The following RASA2 variants were observed in gnomAD, a reference collection of about 807,000 sequenced individuals.
The protein encoded by RASA2 is RAS p21 protein activator 2.
Under a neutral mutation model 118.2 loss-of-function variants are expected in RASA2, and 155 were observed. The observed-to-expected ratio is 1.31, with a 90% CI of 1.15 to 1.50. The LOEUF (loss-of-function observed/expected upper bound fraction) is 1.50. RASA2 is among the 40% of genes most tolerant of loss of function. The probability of loss-of-function intolerance (pLI) is 0.00; values close to 1 mark genes in which losing one functional copy is unlikely to be tolerated. For synonymous variants in RASA2, 353 were observed against 349.1 expected (o/e 1.01, Z -0.12); for missense variants, 1,016 against 1,009.6 (o/e 1.01, Z -0.09).
At chr3:141,540,501 C>T in intron 4 of RASA2, 32 bp from the exon 5 acceptor site, 1 of 1,526,258 alleles carries the variant, frequency 6.6e-7, no homozygotes. Flanking sequence ...GTAAAATAGA[C>T]TACTCAGTTT....
intron 7 of RASA2, among the ~76,000 whole-genome samples, chr3:141,556,473 C>CT (rs34990236): frequency 2.3e-4 from 34 of 149,758 alleles, no homozygotes; most frequent in Middle Eastern, 6.9e-3. Context: ...TTTATTATTA[C>CT]TTTTTTTTTT....
intron 1 of RASA2, among the ~76,000 whole-genome samples, chr3:141,504,572 C>T (rs2081835550): frequency 6.6e-6 from 1 of 152,180 alleles, no homozygotes; most frequent in African/African-American, 2.4e-5. Flanking sequence ...TCTCTCCAGA[C>T]CCGTGTCTGC....
chr3:141,607,597 A>G, intron 19 of RASA2, 81 bp from the exon 20 acceptor site: 1 of 1,400,476 alleles, frequency 7.1e-7, no homozygotes, highest in Non-Finnish European at 9.4e-7. Context: ...GGATGAGCTT[A>G]AACCCTACAG....
At chr3:141,546,891 G>A (rs1192059923) in intron 5 of RASA2, among the ~76,000 whole-genome samples, 1 of 152,022 alleles carries the variant, frequency 6.6e-6, no homozygotes, top group Non-Finnish European at 1.5e-5. Context: ...GAGAGATACG[G>A]GTTTAGTTTC....
At chr3:141,595,880 C>T (rs564170250) in intron 19 of RASA2, among the ~76,000 whole-genome samples, 4 of 152,176 alleles carry the variant, frequency 2.6e-5, no homozygotes, top group Admixed American at 6.5e-5. Flanking sequence ...CCTCCTGCCT[C>T]GGCCTAGAAT....
intron 9 of RASA2, among the ~76,000 whole-genome samples, chr3:141,570,039 G>C (rs960161326): frequency 1.4e-5 from 2 of 147,556 alleles, no homozygotes; most frequent in African/African-American, 5.0e-5. Context: ...GTACATGAGC[G>C]TTCAATATTC....
chr3:141,555,816 T>G, intron 6 of RASA2, 24 bp from the exon 7 acceptor site: 1 of 1,597,422 alleles, frequency 6.3e-7, no homozygotes. Context: ...TTCTACAAGG[T>G]AAAACTCTAC....
intron 16 of RASA2, among the ~76,000 whole-genome samples, 160 bp from the exon 17 acceptor site, chr3:141,580,940 C>T (rs111481641): frequency 0.013 from 2,032 of 152,134 alleles, 50 homozygotes; most frequent in African/African-American, 0.042. Context: ...GCCATAATCA[C>T]ATGACAGCTT....
intron 19 of RASA2, among the ~76,000 whole-genome samples, chr3:141,595,365 G>C (rs535663451): frequency 1.3e-5 from 2 of 152,090 alleles, no homozygotes; most frequent in Non-Finnish European, 2.9e-5. Context: ...ATATATCCAC[G>C]TTAAATATAT....
At chr3:141,516,198 AATAAAATATATAT>A in intron 2 of RASA2, 117 bp from the exon 3 acceptor site, 1 of 583,714 alleles carries the variant, frequency 1.7e-6, no homozygotes, top group Non-Finnish European at 2.3e-6. Flanking sequence ...CTTAAAGTAT[AATAAAATATATAT>A]ATATTAAAAA....
At chr3:141,543,853 TTTTC>T (rs200899924) in intron 5 of RASA2, among the ~76,000 whole-genome samples, 2,178 of 149,298 alleles carry the variant, frequency 0.015, 64 homozygotes, top group African/African-American at 0.053. Context: ...TTCTTTTCTT[TTTTC>T]TTTCTTTCTT....
intron 9 of RASA2, among the ~76,000 whole-genome samples, chr3:141,562,988 A>G (rs2082760360): frequency 6.6e-6 from 1 of 152,196 alleles, no homozygotes; most frequent in East Asian, 1.9e-4. Context: ...AGTTATTAAT[A>G]GAACTGCTTC....
chr3:141,493,974 A>G (rs1205783617), intron 1 of RASA2, among the ~76,000 whole-genome samples: 1 of 152,172 alleles, frequency 6.6e-6, no homozygotes, highest in Admixed American at 6.5e-5. Flanking sequence ...TAGCTTGAAG[A>G]TTTTTTCACA....
At chr3:141,498,558 G>A (rs1374744494) in intron 1 of RASA2, among the ~76,000 whole-genome samples, 1 of 152,106 alleles carries the variant, frequency 6.6e-6, no homozygotes, top group African/African-American at 2.4e-5. Flanking sequence ...TCTTGGATAT[G>A]TGTACACACA....
At chr3:141,586,530 A>G (rs2083204896) in intron 18 of RASA2, 116 bp from the exon 19 acceptor site, 6 of 629,486 alleles carry the variant, frequency 9.5e-6, no homozygotes, top group Admixed American at 3.5e-5. Context: ...ACATTTTTAT[A>G]TATTTAATAT....
At position 141,559,984 on chromosome 3, in the gene RASA2, T is replaced by G. The variant is rs773776593; in HGVS notation, c.852T>G (p.Ser284=). The stretch of plus-strand genomic sequence containing the variant: ...TGAACGTATTAAGAACTGATTCCTC[T>G]CATCAAGCCTGGTAAGGGCCCAGCA... ...VPVNVLRTDS[S]HQAWYLLQPR... The change falls in exon 9 of 24, where the codon TCT becomes TCG. Residue 284 remains serine, a synonymous_variant. Transcript: ENST00000286364. The G allele has an allele frequency of 2.2e-5, 36 of 1,612,450 alleles. No individual in the cohort carries two copies. The South Asian group carries it at 4.0e-4, about 18-fold the overall frequency.
chr3:141,542,544 A>G (rs575054505), intron 5 of RASA2, among the ~76,000 whole-genome samples: 98 of 152,168 alleles, frequency 6.4e-4, no homozygotes, highest in Non-Finnish European at 1.1e-3. Context: ...AGATTTACAG[A>G]AAGTTGTAAG....
intron 3 of RASA2, among the ~76,000 whole-genome samples, chr3:141,517,565 G>A (rs912727997): frequency 4.6e-5 from 7 of 152,182 alleles, no homozygotes; most frequent in Admixed American, 2.6e-4. Flanking sequence ...GTCACCTTAT[G>A]CCAGGCCCCT....
At chr3:141,558,184 C>A (rs80157048) in intron 7 of RASA2, among the ~76,000 whole-genome samples, 1 of 152,104 alleles carries the variant, frequency 6.6e-6, no homozygotes, top group Non-Finnish European at 1.5e-5. Flanking sequence ...TAGCCCTGTC[C>A]GCCTCTGAGC....
Sources: gnomAD v4.1 joint callset for allele counts (sites outside exome capture counted in the v4.1 genomes callset) on GRCh38, gnomAD v4.1.1 for gene constraint, MANE v1.5 for transcripts, NCBI Gene and HGNC (gene_info 2026-07-23, HGNC 2026-07-21) for gene names.